Variants in TCF12 observed in about 807,000 individuals in gnomAD.
TCF12 encodes DNA-binding protein HTF4.
Under a neutral mutation model 86.0 loss-of-function variants are expected in TCF12, and 45 were observed. The ratio of observed to expected loss-of-function variants is 0.52; its 90% CI spans 0.41 to 0.67. TCF12 has a LOEUF of 0.67. TCF12 is among the 30% of genes least tolerant of loss of function. The probability of loss-of-function intolerance (pLI) is 0.00; values close to 1 mark genes in which losing one functional copy is unlikely to be tolerated. For missense variants in TCF12, 881 were observed against 859.9 expected (o/e 1.02, Z -0.31); for synonymous variants, 330 against 299.6 (o/e 1.10, Z -1.05).
intron 3 of TCF12, among the ~76,000 whole-genome samples, chr15:56,954,702 A>G (rs1374945792): frequency 1.3e-5 from 2 of 152,214 alleles, no homozygotes. Context: ...CAGAATCTAC[A>G]AGGAACTCAA....
chr15:57,247,276 A>G (rs1430200151), intron 13 of TCF12: 2 of 653,940 alleles, frequency 3.1e-6, no homozygotes, highest in Admixed American at 2.1e-5. Flanking sequence ...CACCTCCTCC[A>G]TAACTACCTC....
chr15:57,204,874 A>C (rs2057734310), intron 8 of TCF12, among the ~76,000 whole-genome samples: 1 of 152,162 alleles, frequency 6.6e-6, no homozygotes, highest in Non-Finnish European at 1.5e-5. Context: ...CAGTAAGAAA[A>C]AGGTCAAGAG....
chr15:56,954,351 A>G (rs2061411240), intron 3 of TCF12, among the ~76,000 whole-genome samples: 1 of 152,220 alleles, frequency 6.6e-6, no homozygotes, highest in Non-Finnish European at 1.5e-5. Flanking sequence ...TGGTGCTGGG[A>G]AAACTGGCTA....
intron 6 of TCF12, among the ~76,000 whole-genome samples, chr15:57,178,925 T>C (rs1366491713): frequency 6.6e-6 from 1 of 152,222 alleles, no homozygotes; most frequent in Non-Finnish European, 1.5e-5. Context: ...TAGCTTGTTC[T>C]CTTCATATTT....
At chr15:57,160,376 A>AT (rs1178175905) in intron 5 of TCF12, among the ~76,000 whole-genome samples, 1 of 152,184 alleles carries the variant, frequency 6.6e-6, no homozygotes, top group African/African-American at 2.4e-5. Flanking sequence ...ACTCACCATC[A>AT]TAAGGACAGC....
rs532652462 is a variant in TCF12 at position 57,255,697 on chromosome 15, T to C, written c.1467+2229T>C. On this transcript the variant is annotated intron_variant, in intron 16 of 20. Transcript: ENST00000333725. ...TGGGGTTTCACCATATTGGCCAGGC[T>C]GGTCTCAAACTCCTGACCTTGTGAT... Among the ~76,000 whole-genome samples the C allele has an allele frequency of 9.9e-5, 15 of 152,264 alleles. No homozygotes were observed. The South Asian group carries it at 1.2e-3, about 13-fold the overall frequency.
At chr15:56,951,006 T>G (rs2140447323) in intron 3 of TCF12, among the ~76,000 whole-genome samples, 1 of 152,142 alleles carries the variant, frequency 6.6e-6, no homozygotes, top group African/African-American at 2.4e-5. Context: ...TCCGCCCACC[T>G]TGGCCTCCCA....
intron 3 of TCF12, among the ~76,000 whole-genome samples, chr15:56,958,678 A>AGAGTGTGTGTGT (rs1198441460): frequency 1.3e-4 from 19 of 142,256 alleles, no homozygotes; most frequent in African/African-American, 4.2e-4. Context: ...AGAGAGAGAG[A>AGAGTGTGTGTGT]GTGTGTGTGT....
chr15:57,218,476 T>G (rs927560886), intron 8 of TCF12, among the ~76,000 whole-genome samples: 1 of 152,238 alleles, frequency 6.6e-6, no homozygotes, highest in African/African-American at 2.4e-5. Context: ...AAGTATGAGT[T>G]AGAAATGTCT....
At chr15:57,183,327 A>G (rs2056471877) in intron 6 of TCF12, among the ~76,000 whole-genome samples, 1 of 152,208 alleles carries the variant, frequency 6.6e-6, no homozygotes, top group African/African-American at 2.4e-5. Context: ...TTATATACAC[A>G]AATGCACACA....
chr15:57,188,488 G>A (rs1246382768), intron 6 of TCF12, among the ~76,000 whole-genome samples: 1 of 152,026 alleles, frequency 6.6e-6, no homozygotes, highest in Non-Finnish European at 1.5e-5. Context: ...AATTTATATG[G>A]AATTTCAAGA....
chr15:56,920,658 T>TA (rs1382080983), intron 2 of TCF12, among the ~76,000 whole-genome samples: 1 of 152,274 alleles, frequency 6.6e-6, no homozygotes, highest in Admixed American at 6.5e-5. Context: ...TTATAATCCT[T>TA]ACTGTATGTA....
intron 3 of TCF12, among the ~76,000 whole-genome samples, chr15:56,999,052 G>T (rs1191710281): frequency 6.6e-6 from 1 of 152,088 alleles, no homozygotes; most frequent in South Asian, 2.1e-4. Flanking sequence ...CAAAAAATTA[G>T]CTGGGCGTGG....
intron 7 of TCF12, among the ~76,000 whole-genome samples, chr15:57,196,841 TA>T (rs1356672616): frequency 2.5e-4 from 38 of 152,322 alleles, no homozygotes; most frequent in African/African-American, 9.1e-4. Flanking sequence ...ATGTTAAAAG[TA>T]AATGTGTCAA....
chr15:57,040,025 C>T (rs1596258290), intron 3 of TCF12, among the ~76,000 whole-genome samples: 1 of 152,306 alleles, frequency 6.6e-6, no homozygotes, highest in Non-Finnish European at 1.5e-5. Context: ...TCATGAGTCT[C>T]TCTTTTATCT....
chr15:57,228,044 T>A (rs1465919588), intron 8 of TCF12, among the ~76,000 whole-genome samples: 1 of 152,032 alleles, frequency 6.6e-6, no homozygotes, highest in Non-Finnish European at 1.5e-5. Flanking sequence ...GTTCAGGTGA[T>A]CAGATGACAT....
At chr15:57,171,136 G>T (rs1395734982) in intron 6 of TCF12, among the ~76,000 whole-genome samples, 1 of 151,464 alleles carries the variant, frequency 6.6e-6, no homozygotes, top group African/African-American at 2.4e-5. Flanking sequence ...GAAGGCCTAT[G>T]GAAAAGAGAA....
intron 7 of TCF12, among the ~76,000 whole-genome samples, 159 bp downstream of exon 7, chr15:57,192,452 A>C (rs567444417): frequency 6.6e-6 from 1 of 151,818 alleles, no homozygotes; most frequent in East Asian, 1.9e-4. Flanking sequence ...GCAACAGCAC[A>C]ATCTTGGCTT....
intron 5 of TCF12, among the ~76,000 whole-genome samples, chr15:57,128,871 C>A (rs1456888879): frequency 6.6e-6 from 1 of 152,142 alleles, no homozygotes; most frequent in Non-Finnish European, 1.5e-5. Flanking sequence ...TATTTCATTT[C>A]TTTTTATAGC....
Sources: allele counts gnomAD v4.1 joint callset (sites outside exome capture counted in the v4.1 genomes callset), GRCh38; gene constraint gnomAD v4.1.1; transcripts MANE v1.5; gene names NCBI Gene and HGNC (gene_info 2026-07-23, HGNC 2026-07-21).